The following CRAMP1 variants were observed in gnomAD, a reference collection of about 807,000 sequenced individuals.
CRAMP1 encodes cramped chromatin regulator 1.
A neutral mutation model predicts 115.4 loss-of-function variants in CRAMP1; 50 were observed. The observed-to-expected ratio is 0.43, with a 90% confidence interval of 0.35 to 0.55. The LOEUF (loss-of-function observed/expected upper bound fraction) is 0.55. Among genes scored for constraint, CRAMP1 ranks in the 20% least tolerant of loss-of-function variants. The pLI is 0.01. For missense variants in CRAMP1, 1,679 were observed against 1,721.7 expected, an observed-to-expected ratio of 0.98 and a Z score of 0.44; for synonymous variants, 866 against 745.4, an observed-to-expected ratio of 1.16 and a Z score of -2.64.
At chr16:1,648,376 C>T (rs557474816) in intron 6 of CRAMP1, among the ~76,000 whole-genome samples, 3 of 150,654 alleles carry the variant, frequency 2.0e-5, no homozygotes, top group African/African-American at 4.9e-5. Flanking sequence ...TGGGAGGCCG[C>T]GGCTGGCGAA....
At position 1,652,540 on chromosome 16, in the gene CRAMP1, C is replaced by T. The variant is rs761679145; in HGVS notation, c.872C>T (p.Ala291Val). ...AAAGGGCGGAACCTGCGGATCAAAG[C>T]GCCCATGTGCCGGGCCCTGAAGAAG... is the stretch of plus-strand genomic sequence containing the variant. The part of the protein sequence containing the change: ...RYKGRNLRIK[A>V]PMCRALKKLC... Residue 291 changes from alanine to valine, a missense_variant, in exon 7 of 21, where the codon GCG (alanine) becomes GTG (valine). Coordinates refer to ENST00000397412, the MANE Select transcript of CRAMP1 (RefSeq NM_020825.4). 3.9e-5 allele frequency: 60 copies of T among 1,552,896 alleles called. No homozygotes were observed. The highest frequency in any genetic ancestry group is 6.8e-5 in the African/African-American group (5 of 73,150).
At chr16:1,645,638 C>T (rs12597612) in intron 6 of CRAMP1, among the ~76,000 whole-genome samples, 3,249 of 152,252 alleles carry the variant, frequency 0.021, 217 homozygotes, top group Admixed American at 0.13. Context: ...TGGCATCACA[C>T]GGGGGCAGTT....
In CRAMP1 at chr16:1,671,301, C is replaced by T. The variant is rs556824126; in HGVS notation, c.3645+492C>T. ...GAACTGGGATGGGCTCTGCTGTCCT[C>T]ATGCTTCTCCCACGCCCAGGGTAGT... On this transcript the variant is annotated intron_variant, in intron 20 of 20. Coordinates refer to ENST00000397412, the MANE Select transcript of CRAMP1 (RefSeq NM_020825.4). The surrounding 1 kb of genome is among the most constrained non-coding windows in gnomAD (Gnocchi z 5.0). Among the ~76,000 whole-genome samples, 4 of 152,190 alleles carry T rather than the reference C, an allele frequency of 2.6e-5. No homozygotes were observed. Among genetic ancestry groups the T allele is most frequent in the Non-Finnish European group, 4.4e-5 (3 of 68,030 alleles).
At chr16:1,636,734 A>G (rs1162884262) in intron 4 of CRAMP1, among the ~76,000 whole-genome samples, 1 of 152,242 alleles carries the variant, frequency 6.6e-6, no homozygotes, top group African/African-American at 2.4e-5. Flanking sequence ...CAGTGGCCCA[A>G]GCGCCTCAGA....
Position 1,616,981 on chromosome 16 carries a change from A to AT in CRAMP1, c.346+2011dup, listed in dbSNP as rs547298817. On this transcript the variant is annotated intron_variant, in intron 2 of 20. Coordinates refer to ENST00000397412, the MANE Select transcript of CRAMP1 (RefSeq NM_020825.4). ...AGGCGCCTGCCACCACACCCAGCTA[A>AT]TTTTTTTTTTTTTTTGGTATTTTTA... Among the ~76,000 whole-genome samples the AT allele has an allele frequency of 7.6e-3, 1,043 of 137,580 alleles. 2 individuals are homozygous for AT. The highest frequency in any genetic ancestry group is 0.016 in the African/African-American group (605 of 37,420). 90.3% of individuals were successfully genotyped at this position (137,580 alleles called of 152,430 possible). A position where few individuals can be genotyped will look rare whatever the true frequency, so the allele number is the denominator to read the frequency against.
chr16:1,662,504 C>G lies in CRAMP1; in HGVS notation c.2428C>G (p.Pro810Ala), dbSNP rs1462706562. 3 of 1,613,754 alleles carry G rather than the reference C, an allele frequency of 1.9e-6. No individual in the cohort carries two copies. The highest frequency in any genetic ancestry group is 1.7e-6 in the Non-Finnish European group (2 of 1,179,812). ...TCCTCTCCCAGGTTTGAGAAACCCT[C>G]CAAGACCCCTCTTGGTGCCTGGTCC... ...APCSSGLRNP[P>A]RPLLVPGPSS... The change falls in exon 12 of 21, where the codon CCA becomes GCA. Residue 810 changes from proline (P) to alanine (A), a missense_variant. By Grantham distance (27) the Pro-to-Ala change is conservative. Around this residue, in one of 8 missense-constraint regions of CRAMP1, gnomAD observed 709 missense variants for 741.9 expected, o/e 0.96. Coordinates refer to ENST00000397412, the MANE Select transcript of CRAMP1 (RefSeq NM_020825.4).
intron 2 of CRAMP1, among the ~76,000 whole-genome samples, chr16:1,623,426 T>G (rs918474791): frequency 1.3e-5 from 2 of 152,274 alleles, no homozygotes; most frequent in Non-Finnish European, 2.9e-5. Flanking sequence ...TCTCCTTGTC[T>G]TGGATCACCA....
chr16:1,638,308 A>G (rs1178172444), intron 5 of CRAMP1, among the ~76,000 whole-genome samples: 1 of 152,130 alleles, frequency 6.6e-6, no homozygotes, highest in South Asian at 2.1e-4. Flanking sequence ...ATCTTACCTA[A>G]TTTCCTGCCC....
intron 4 of CRAMP1, among the ~76,000 whole-genome samples, chr16:1,633,032 C>G (rs1231879282): frequency 6.6e-6 from 1 of 152,232 alleles, no homozygotes; most frequent in African/African-American, 2.4e-5. Context: ...TGTAGCTTCA[C>G]ACACAGCTTG....
At chr16:1,612,874 G>A (rs2036369683) in intron 1 of CRAMP1, among the ~76,000 whole-genome samples, 1 of 152,116 alleles carries the variant, frequency 6.6e-6, no homozygotes, top group Non-Finnish European at 1.5e-5. Context: ...AGAAAAGTCC[G>A]GTCTCGTTGG....
rs1186912039 is a variant in CRAMP1, at chr16:1,614,455, CG to C, written c.-1-179del. The stretch of plus-strand genomic sequence containing the variant: ...AGGGTCCCGGGCTGGTGGGCAGGGC[CG>C]GGGGCGGCGGCGTGGGGGCGGCAGG... On this transcript the variant is annotated intron_variant, in intron 1 of 20. Coordinates refer to ENST00000397412, the MANE Select transcript of CRAMP1 (RefSeq NM_020825.4). This position sits in a 1 kb window ranked among gnomAD's most constrained non-coding sequence, Gnocchi z 4.4. Among the ~76,000 whole-genome samples, 1 of 117,698 alleles carries C rather than the reference CG, an allele frequency of 8.5e-6. No homozygotes were observed. The highest frequency in any genetic ancestry group is 1.8e-5 in the Non-Finnish European group (1 of 56,068). The allele number at this position is 117,698 out of a possible 152,430, so 77.2% of individuals were successfully genotyped here.
intron 2 of CRAMP1, among the ~76,000 whole-genome samples, chr16:1,622,536 G>A (rs1380250259): frequency 6.6e-6 from 1 of 152,170 alleles, no homozygotes; most frequent in Non-Finnish European, 1.5e-5. Context: ...AGCACTCCAA[G>A]TCTAGAATAA....
At chr16:1,622,171 G>A (rs1198167466) in intron 2 of CRAMP1, among the ~76,000 whole-genome samples, 1 of 152,172 alleles carries the variant, frequency 6.6e-6, no homozygotes, top group Non-Finnish European at 1.5e-5. Context: ...TGAACCAGAG[G>A]CCACCTTCAG....
In CRAMP1 at chr16:1,614,098, A is replaced by G. The variant is rs1596479235; in HGVS notation, c.-1-541A>G. ...GTGGGGCAGGTGCGCGGGGCCCGGG[A>G]GCCCCGCGCCTTTCGGGGGGCGGGG... On this transcript the variant is annotated intron_variant, in intron 1 of 20. Coordinates refer to ENST00000397412, the MANE Select transcript of CRAMP1 (RefSeq NM_020825.4). This position sits in a 1 kb window ranked among gnomAD's most constrained non-coding sequence, Gnocchi z 4.4. 1.2e-5 allele frequency among the ~76,000 whole-genome samples: 1 copy of G among 81,138 alleles called. No individual in the cohort carries two copies. The highest frequency in any genetic ancestry group is 2.3e-5 in the Non-Finnish European group (1 of 43,674). 53.2% of individuals were successfully genotyped at this position (81,138 alleles called of 152,430 possible).
intron 2 of CRAMP1, among the ~76,000 whole-genome samples, chr16:1,619,432 C>T (rs894455076): frequency 5.9e-5 from 9 of 152,168 alleles, no homozygotes; most frequent in East Asian, 1.9e-4. Flanking sequence ...CCGCCTGCCT[C>T]GGCCTCCCAA....
rs139731219 is a variant in CRAMP1 at position 1,674,015 on chromosome 16, C to T, written c.3780C>T (p.Gly1260=). The T allele has an allele frequency of 8.6e-3, 13,894 of 1,612,178 alleles. 73 individuals are homozygous for T. Among genetic ancestry groups the T allele is most frequent in the Non-Finnish European group, 9.7e-3 (11,499 of 1,179,830 alleles). Residue 1260 remains glycine, a synonymous_variant, in exon 21 of 21, where the codon GGC becomes GGT. Coordinates refer to ENST00000397412, the MANE Select transcript of CRAMP1 (RefSeq NM_020825.4). ...AAGCTCTGTTTGATGGTGGTGGAGG[C>T]GGCCCCGCTGTCAGTGACCTGTCCC... The part of the protein sequence containing the change: ...RREALFDGGG[G]GPAVSDLSQ
At chr16:1,657,833 C>T (rs149244457) in intron 10 of CRAMP1, among the ~76,000 whole-genome samples, 133 of 152,252 alleles carry the variant, frequency 8.7e-4, no homozygotes, top group Middle Eastern at 3.4e-3. Flanking sequence ...TGAAATGGCA[C>T]GTTTAGGGGC....
At chr16:1,649,000 A>G (rs983771333) in intron 6 of CRAMP1, among the ~76,000 whole-genome samples, 1 of 152,074 alleles carries the variant, frequency 6.6e-6, no homozygotes. Context: ...CGGAGCTTGC[A>G]GTGAGCTGAG....
rs61746425 is a variant in CRAMP1, at chr16:1,660,048, G to C, written c.2398G>C (p.Ala800Pro). 3 of 1,585,502 alleles carry C rather than the reference G, an allele frequency of 1.9e-6. No homozygotes were observed. The highest frequency in any genetic ancestry group is 2.6e-6 in the Non-Finnish European group (3 of 1,173,486). Residue 800 changes from alanine (A) to proline (P), a missense_variant, in exon 11 of 21, where the codon GCA (alanine) becomes CCA (proline). Around this residue, in one of 8 missense-constraint regions of CRAMP1, gnomAD observed 709 missense variants for 741.9 expected, o/e 0.96. Transcript: ENST00000397412. The part of the protein sequence containing the change: ...RSSKTFPPSS[A>P]PCSSGLRNPP... ...CAGCAAGACCTTCCCGCCCAGCTCT[G>C]CACCCTGCTCCTCAGGTGAGGCTGT...
Sources: gnomAD v4.1 joint callset for allele counts (sites outside exome capture counted in the v4.1 genomes callset) on GRCh38, gnomAD v4.1.1 for gene constraint, gnomAD v4.1.1 regional missense constraint, Gnocchi (gnomAD v3.1) non-coding constraint, MANE v1.5 for transcripts, NCBI Gene and HGNC (gene_info 2026-07-23, HGNC 2026-07-21) for gene names.